Variants in DNAH14 observed in about 807,000 individuals in gnomAD.
DNAH14 encodes the protein axonemal beta dynein heavy chain 14.
In DNAH14, 478 loss-of-function variants were observed where a neutral mutation model predicts 520.9. That is an observed-to-expected ratio of 0.92 (90% CI 0.85 to 0.99). The LOEUF (loss-of-function observed/expected upper bound fraction) is 0.99. Among genes scored for constraint, DNAH14 ranks in the 50% least tolerant of loss-of-function variants. The pLI is 0.00. For synonymous variants in DNAH14, 1,581 were observed against 1,757.2 expected, an observed-to-expected ratio of 0.90 and a Z score of 2.51; for missense variants, 4,831 against 5,234.5, an observed-to-expected ratio of 0.92 and a Z score of 2.38.
At chr1:225,042,105 T>C (rs1444277998) in intron 12 of DNAH14, among the ~76,000 whole-genome samples, 1 of 152,188 alleles carries the variant, frequency 6.6e-6, no homozygotes, top group Non-Finnish European at 1.5e-5. Context: ...AATAAGGTGC[T>C]ATGAGGTTTA....
intron 54 of DNAH14, among the ~76,000 whole-genome samples, chr1:225,281,508 A>G (rs2093626358): frequency 6.6e-6 from 1 of 152,136 alleles, no homozygotes; most frequent in African/African-American, 2.4e-5. Context: ...TAACATATTC[A>G]TTGGTTCCAG....
At chr1:225,298,861 C>T (rs1187756064) in intron 55 of DNAH14, among the ~76,000 whole-genome samples, 2 of 152,318 alleles carry the variant, frequency 1.3e-5, no homozygotes, top group Non-Finnish European at 1.5e-5. Flanking sequence ...TCAGTGGCAG[C>T]GGGGCTGGGG....
At chr1:225,112,506 C>G (rs2076560957) in intron 23 of DNAH14, among the ~76,000 whole-genome samples, 1 of 152,120 alleles carries the variant, frequency 6.6e-6, no homozygotes, top group Non-Finnish European at 1.5e-5. Context: ...ATACTGATAT[C>G]TTTCTCTAGG....
chr1:225,043,421 A>G (rs1276937692), intron 13 of DNAH14, among the ~76,000 whole-genome samples: 7 of 152,228 alleles, frequency 4.6e-5, no homozygotes, highest in Non-Finnish European at 8.8e-5. Context: ...TGCTAAAAGT[A>G]AGGATAAACT....
chr1:225,334,169 T>A (rs2094860942), intron 66 of DNAH14, among the ~76,000 whole-genome samples: 1 of 152,206 alleles, frequency 6.6e-6, no homozygotes. Context: ...CCAGGGGCAG[T>A]GGCTCATGCC....
chr1:225,145,310 T>C lies in DNAH14; in HGVS notation c.4741-16T>C. ...TCATAATTCAAGAAAGATACTAAAA[T>C]ATTTTTGTTTCCCAGTCCTTAGGCA... On this transcript the variant is annotated splice_polypyrimidine_tract_variant and intron_variant, in intron 29 of 85. Coordinates refer to ENST00000682510, the MANE Select transcript of DNAH14 (RefSeq NM_001367479.1). 6.5e-7 allele frequency: 1 copy of C among 1,537,650 alleles called. No homozygotes were observed. Among genetic ancestry groups the C allele is most frequent in the Non-Finnish European group, 8.8e-7 (1 of 1,139,670 alleles).
At chr1:225,383,861 C>G (rs757621957) in intron 81 of DNAH14, among the ~76,000 whole-genome samples, 3 of 152,186 alleles carry the variant, frequency 2.0e-5, no homozygotes, top group Non-Finnish European at 4.4e-5. Context: ...TTCCTGCTTT[C>G]TCTTGTGGGC....
intron 23 of DNAH14, among the ~76,000 whole-genome samples, chr1:225,101,577 G>C (rs926305814): frequency 6.6e-6 from 1 of 151,952 alleles, no homozygotes. Context: ...TGCTTCAAAT[G>C]TTACCTCCCA....
At chr1:225,177,204 G>C (rs2083432686) in intron 36 of DNAH14, among the ~76,000 whole-genome samples, 1 of 152,188 alleles carries the variant, frequency 6.6e-6, no homozygotes, top group African/African-American at 2.4e-5. Flanking sequence ...TTTTGCCCCT[G>C]CCCTAGAGAT....
At chr1:225,379,101 C>T (rs1279574237) in intron 79 of DNAH14, among the ~76,000 whole-genome samples, 3 of 152,072 alleles carry the variant, frequency 2.0e-5, no homozygotes, top group South Asian at 4.1e-4. Context: ...CTCACCTAGG[C>T]CTGGACACGC....
intron 54 of DNAH14, among the ~76,000 whole-genome samples, chr1:225,289,331 G>A (rs1164378460): frequency 6.6e-6 from 1 of 152,028 alleles, no homozygotes; most frequent in African/African-American, 2.4e-5. Flanking sequence ...ATCTTTTTGG[G>A]GTGAAGGCAA....
At chr1:224,975,993 C>T (rs1327017482) in intron 8 of DNAH14, among the ~76,000 whole-genome samples, 1 of 151,770 alleles carries the variant, frequency 6.6e-6, no homozygotes, top group Non-Finnish European at 1.5e-5. Context: ...ACCCAGTAGT[C>T]ATTCAGGAGC....
Position 225,312,007 on chromosome 1 carries a change from A to G in DNAH14, c.9240+3597A>G, listed in dbSNP as rs2094377081. ...AAAAGTCAATGGTAACTTGATGGGA[A>G]TAGCATTGAATCTATAAATTACTTT... On this transcript the variant is annotated intron_variant, in intron 60 of 85. Coordinates refer to ENST00000682510, the MANE Select transcript of DNAH14 (RefSeq NM_001367479.1). 2.6e-5 allele frequency among the ~76,000 whole-genome samples: 4 copies of G among 152,260 alleles called. No individual in the cohort carries two copies. The Middle Eastern group carries it at 0.01, about 388-fold the overall frequency.
chr1:225,280,758 T>A (rs1002269074), intron 54 of DNAH14, among the ~76,000 whole-genome samples: 1 of 152,074 alleles, frequency 6.6e-6, no homozygotes, highest in Admixed American at 6.6e-5. Flanking sequence ...AAAAACAACT[T>A]CTTATGTACT....
Position 225,082,706 on chromosome 1 carries a change from A to G in DNAH14, c.3294A>G (p.Lys1098=), listed in dbSNP as rs553250934. 2,865 of 1,550,642 alleles carry G rather than the reference A, an allele frequency of 1.8e-3. 80 individuals carry two copies. The South Asian group carries it at 0.033, about 18-fold the overall frequency. The stretch of plus-strand genomic sequence containing the variant: ...TTGGGAAGTCAGTTCCGCTTGATAA[A>G]AACTGTAAAGTAGAGAATCTTCTAG... The part of the protein sequence containing the change: ...EIIGKSVPLD[K]NCKVENLLAL... Residue 1098 remains lysine, a synonymous_variant, in exon 20 of 86, where the codon AAA becomes AAG. Transcript: ENST00000682510.
intron 36 of DNAH14, among the ~76,000 whole-genome samples, chr1:225,172,988 G>T (rs937712758): frequency 6.6e-6 from 1 of 152,094 alleles, no homozygotes; most frequent in Non-Finnish European, 1.5e-5. Flanking sequence ...TGACAAACCT[G>T]ACAAAAACAA....
chr1:225,139,715 A>T (rs1573439927), intron 27 of DNAH14, among the ~76,000 whole-genome samples: 1 of 152,338 alleles, frequency 6.6e-6, no homozygotes, highest in East Asian at 1.9e-4. Context: ...CCCTACACTG[A>T]TGCAGCCTAG....
At chr1:224,969,019 C>T in intron 7 of DNAH14, 145 bp downstream of exon 7, 1 of 527,724 alleles carries the variant, frequency 1.9e-6, no homozygotes, top group East Asian at 3.6e-5. Flanking sequence ...ACGGAACACC[C>T]CATTTCCTCT....
At chr1:225,289,768 A>T in intron 54 of DNAH14, 117 bp from the exon 55 acceptor site, 1 of 652,356 alleles carries the variant, frequency 1.5e-6, no homozygotes, top group Non-Finnish European at 2.3e-6. Flanking sequence ...TTATAAATAA[A>T]AATAGTCTGG....
Sources: gnomAD v4.1 joint callset for allele counts (sites outside exome capture counted in the v4.1 genomes callset) on GRCh38, gnomAD v4.1.1 for gene constraint, MANE v1.5 for transcripts, NCBI Gene and HGNC (gene_info 2026-07-23, HGNC 2026-07-21) for gene names.